GPC5: variants seen among roughly 807,000 people sequenced by gnomAD.
The protein encoded by GPC5 is glypican-5.
A neutral mutation model predicts 53.9 loss-of-function variants in GPC5; 47 were observed. The observed-to-expected ratio is 0.87, with a 90% CI of 0.69 to 1.11. GPC5 has a LOEUF of 1.11. Among genes scored for constraint, GPC5 ranks in the 50% most tolerant of loss-of-function variants. The pLI, the probability that GPC5 is intolerant of heterozygous loss-of-function variation, is 0.00. For synonymous variants in GPC5, 286 were observed against 263.3 expected, an observed-to-expected ratio of 1.09 and a Z score of -0.84; for missense variants, 748 against 713.1, an observed-to-expected ratio of 1.05 and a Z score of -0.56.
intron 7 of GPC5, among the ~76,000 whole-genome samples, chr13:92,848,669 T>G (rs1191743712): frequency 6.6e-6 from 1 of 152,100 alleles, no homozygotes; most frequent in Non-Finnish European, 1.5e-5. Context: ...ATATATATCT[T>G]AAGCTGGGTG....
intron 7 of GPC5, among the ~76,000 whole-genome samples, chr13:92,395,595 AT>A (rs1299560931): frequency 6.6e-6 from 1 of 151,974 alleles, no homozygotes; most frequent in East Asian, 1.9e-4. Context: ...GACCTATATA[AT>A]TTTTTTCCCT....
At chr13:92,806,435 A>G (rs1566426722) in intron 7 of GPC5, among the ~76,000 whole-genome samples, 1 of 151,966 alleles carries the variant, frequency 6.6e-6, no homozygotes, top group African/African-American at 2.4e-5. Flanking sequence ...AGCACTTTCA[A>G]TTTCCTTCAA....
At chr13:92,520,294 C>A (rs1002368990) in intron 7 of GPC5, among the ~76,000 whole-genome samples, 14 of 152,114 alleles carry the variant, frequency 9.2e-5, no homozygotes, top group Admixed American at 3.9e-4. Context: ...CCAGCATCAT[C>A]CTGATACCAA....
intron 5 of GPC5, among the ~76,000 whole-genome samples, chr13:91,787,088 G>A (rs2037891815): frequency 6.6e-6 from 1 of 151,676 alleles, no homozygotes; most frequent in African/African-American, 2.4e-5. Context: ...TAGTTTTAAT[G>A]TCTCCTTTTT....
chr13:92,765,177 C>T (rs1030709791), intron 7 of GPC5, among the ~76,000 whole-genome samples: 32 of 152,238 alleles, frequency 2.1e-4, no homozygotes, highest in African/African-American at 5.5e-4. Context: ...TAAGCTGCCA[C>T]GTAGAACTCA....
At chr13:92,296,731 C>T (rs2043037742) in intron 7 of GPC5, among the ~76,000 whole-genome samples, 1 of 152,172 alleles carries the variant, frequency 6.6e-6, no homozygotes, top group African/African-American at 2.4e-5. Flanking sequence ...TCCGTGTGGG[C>T]GTGGGCTTGG....
chr13:92,322,221 T>C (rs2043220659), intron 7 of GPC5, among the ~76,000 whole-genome samples: 1 of 151,960 alleles, frequency 6.6e-6, no homozygotes, highest in African/African-American at 2.4e-5. Context: ...GCTTTAGTTA[T>C]GGCTTTAAAG....
At chr13:91,551,051 A>G (rs1204285389) in intron 2 of GPC5, among the ~76,000 whole-genome samples, 1 of 152,124 alleles carries the variant, frequency 6.6e-6, no homozygotes, top group African/African-American at 2.4e-5. Flanking sequence ...TAGTTTTCTC[A>G]TTCACAAAAT....
At chr13:92,515,640 T>C (rs556264356) in intron 7 of GPC5, among the ~76,000 whole-genome samples, 1 of 152,282 alleles carries the variant, frequency 6.6e-6, no homozygotes, top group Admixed American at 6.5e-5. Context: ...AAAGGACTAA[T>C]TTATTTAAAA....
chr13:91,922,354 A>G (rs1011291170), intron 6 of GPC5, among the ~76,000 whole-genome samples: 3 of 152,156 alleles, frequency 2.0e-5, no homozygotes, highest in African/African-American at 7.2e-5. Flanking sequence ...CTATGGACCT[A>G]TATAACCTGG....
At chr13:92,199,195 C>T (rs993482560) in intron 7 of GPC5, among the ~76,000 whole-genome samples, 8 of 152,118 alleles carry the variant, frequency 5.3e-5, no homozygotes, top group African/African-American at 1.9e-4. Context: ...ATGTGATCAT[C>T]GTTTGGTTAG....
intron 1 of GPC5, among the ~76,000 whole-genome samples, chr13:91,413,603 C>T (rs925625750): frequency 6.6e-6 from 1 of 152,236 alleles, no homozygotes; most frequent in Non-Finnish European, 1.5e-5. Flanking sequence ...TACAGGAGCA[C>T]TGAGATGAAG....
At chr13:91,950,087 C>T (rs142580496) in intron 6 of GPC5, among the ~76,000 whole-genome samples, 3,216 of 152,054 alleles carry the variant, frequency 0.021, 102 homozygotes, top group African/African-American at 0.073. Context: ...AAATTTAAAA[C>T]TTGGTCATGG....
chr13:92,700,257 T>A (rs1887687926), intron 7 of GPC5, among the ~76,000 whole-genome samples: 1 of 106,608 alleles, frequency 9.4e-6, no homozygotes, highest in South Asian at 4.1e-4. Context: ...ACCCCTGCAT[T>A]TTTTTTTTTT....
intron 2 of GPC5, among the ~76,000 whole-genome samples, chr13:91,492,915 C>T (rs1233243053): frequency 1.3e-5 from 2 of 152,170 alleles, no homozygotes; most frequent in Non-Finnish European, 2.9e-5. Flanking sequence ...TTAAGTATAG[C>T]AACCTGCTAT....
chr13:92,645,357 C>G (rs1667449972), intron 7 of GPC5, among the ~76,000 whole-genome samples: 1 of 152,154 alleles, frequency 6.6e-6, no homozygotes, highest in Admixed American at 6.6e-5. Context: ...GTTGGTCAGA[C>G]TGGTCTCGAA....
chr13:91,893,769 C>CT (rs944796349), intron 5 of GPC5, among the ~76,000 whole-genome samples: 7 of 151,874 alleles, frequency 4.6e-5, no homozygotes, highest in South Asian at 2.1e-4. Flanking sequence ...CCCCTACCTC[C>CT]TTTTTTTTCA....
intron 6 of GPC5, among the ~76,000 whole-genome samples, chr13:91,988,148 C>G (rs2040426229): frequency 6.6e-6 from 1 of 151,420 alleles, no homozygotes; most frequent in South Asian, 2.1e-4. Flanking sequence ...TATGCTAACA[C>G]TTGAAAGAGA....
At chr13:92,606,319 TGAGTGA>T (rs1884259416) in intron 7 of GPC5, among the ~76,000 whole-genome samples, 1 of 152,132 alleles carries the variant, frequency 6.6e-6, no homozygotes, top group Admixed American at 6.5e-5. Context: ...TTCCCACCTA[TGAGTGA>T]GACCATGTGG....
Sources: gnomAD v4.1 joint callset for allele counts (sites outside exome capture counted in the v4.1 genomes callset) on GRCh38, gnomAD v4.1.1 for gene constraint, MANE v1.5 for transcripts, NCBI Gene and HGNC (gene_info 2026-07-23, HGNC 2026-07-21) for gene names.